ZNF84: variants seen among roughly 807,000 people sequenced by gnomAD.
ZNF84 encodes zinc finger protein HPF2.
ZNF84 carries 12 observed loss-of-function variants against 14.8 expected under a neutral mutation model. The observed-to-expected ratio is 0.81, with a 90% CI of 0.52 to 1.31. The LOEUF is 1.31. ZNF84 is among the 50% of genes most tolerant of loss of function. The probability of loss-of-function intolerance (pLI) is 0.00; values close to 1 mark genes in which losing one functional copy is unlikely to be tolerated. For synonymous variants in ZNF84, 347 were observed against 291.1 expected (o/e 1.19, Z -1.96); for missense variants, 859 against 878.6 (o/e 0.98, Z 0.28).
intron 4 of ZNF84, among the ~76,000 whole-genome samples, chr12:133,049,542 G>C (rs1372104528): frequency 1.3e-5 from 2 of 151,834 alleles, no homozygotes; most frequent in African/African-American, 4.8e-5. Flanking sequence ...GGAGTGCAGT[G>C]GTGCGATCTT....
At chr12:133,056,575 T>G (rs1328642748) in intron 4 of ZNF84, among the ~76,000 whole-genome samples, 2 of 152,106 alleles carry the variant, frequency 1.3e-5, no homozygotes, top group African/African-American at 4.8e-5. Flanking sequence ...TTTTTTCTCT[T>G]GTGTCTCTAG....
chr12:133,044,370 G>A (rs1953942283), intron 2 of ZNF84, among the ~76,000 whole-genome samples: 1 of 149,826 alleles, frequency 6.7e-6, no homozygotes, highest in Non-Finnish European at 1.5e-5. Flanking sequence ...GCCCACGCTG[G>A]TCTGGAACTC....
chr12:133,051,951 G>C (rs1347712572), intron 4 of ZNF84, among the ~76,000 whole-genome samples: 2 of 152,078 alleles, frequency 1.3e-5, no homozygotes, highest in African/African-American at 4.8e-5. Context: ...ACTGTGCTAG[G>C]TACTATGGGT....
rs1477992907 is a variant in ZNF84 at position 133,063,024 on chromosome 12, T to C, written c.*4092T>C. The C allele has an allele frequency of 1.4e-6, 1 of 690,310 alleles. No homozygotes were observed. The highest frequency in any genetic ancestry group is 2.6e-6 in the Non-Finnish European group (1 of 377,686). The allele number at this position is 690,310 out of a possible 1,614,324, so 42.8% of individuals were successfully genotyped here. On this transcript the variant is annotated 3_prime_UTR_variant, in exon 5 of 5. Coordinates refer to ENST00000539354, the MANE Select transcript of ZNF84 (RefSeq NM_001289971.2). ...GAAAGCTTCTAGAAAGCTAGTACTA[T>C]CTTTTTTGTCTGTGTAATTTTTGCA...
intron 2 of ZNF84, 128 bp from the exon 3 acceptor site, chr12:133,047,827 C>T: frequency 1.0e-6 from 1 of 970,006 alleles, no homozygotes. Flanking sequence ...ACAAAATATG[C>T]AAAGGTAGAG....
intron 4 of ZNF84, 52 bp from the exon 5 acceptor site, chr12:133,056,902 G>A (rs1954169801): frequency 2.0e-6 from 3 of 1,480,852 alleles, no homozygotes; most frequent in Middle Eastern, 1.9e-4. Flanking sequence ...GTTTTGTTTT[G>A]TTTTGTTTTT....
At chr12:133,056,254 TTTTA>T (rs1954156244) in intron 4 of ZNF84, among the ~76,000 whole-genome samples, 1 of 152,078 alleles carries the variant, frequency 6.6e-6, no homozygotes, top group Non-Finnish European at 1.5e-5. Context: ...TTTTTTTATT[TTTTA>T]TTTTTATTTT....
intron 4 of ZNF84, 99 bp from the exon 5 acceptor site, chr12:133,056,855 A>G: frequency 9.7e-7 from 1 of 1,034,610 alleles, no homozygotes; most frequent in South Asian, 1.8e-5. Flanking sequence ...CTAAGCCTTA[A>G]AAGCAGCCAA....
intron 4 of ZNF84, 148 bp from the exon 5 acceptor site, chr12:133,056,806 G>T (rs1954167151): frequency 1.8e-6 from 1 of 547,964 alleles, no homozygotes; most frequent in Non-Finnish European, 3.2e-6. Context: ...ATACCTAGAA[G>T]ATAGTTATTA....
Position 133,061,263 on chromosome 12 carries a change from C to T in ZNF84, c.*2331C>T, listed in dbSNP as rs1285704451. On this transcript the variant is annotated 3_prime_UTR_variant, in exon 5 of 5. Coordinates refer to ENST00000539354, the MANE Select transcript of ZNF84 (RefSeq NM_001289971.2). ...CCTCAAGTGGAGACCTCAAGTGGAT[C>T]ACTTGAGGTCAGGAGTTGAAGACCA... The T allele has an allele frequency of 1.3e-5, 2 of 152,102 alleles. No homozygotes were observed. Among genetic ancestry groups the T allele is most frequent in the Admixed American group, 1.3e-4 (2 of 15,270 alleles). The allele number at this position is 152,102 out of a possible 1,614,324, so 9.4% of individuals were successfully genotyped here.
rs920244913 is a variant in ZNF84, at chr12:133,048,964, G to C, written c.238+116G>C. 22 of 746,658 alleles carry C rather than the reference G, an allele frequency of 2.9e-5. No homozygotes were observed. In the African/African-American group the frequency reaches 3.5e-4, roughly 12 times the overall value. The allele number at this position is 746,658 out of a possible 1,614,324, so 46.3% of individuals were successfully genotyped here. A position where few individuals can be genotyped will look rare whatever the true frequency, so the allele number is the denominator to read the frequency against. Reference sequence around the variant, plus strand: ...TGGTCAGTGATGGGTTGGCTGGTCAGTGACGGGTGGGCTGGTCATTGATGG... The same window carrying C: ...TGGTCAGTGATGGGTTGGCTGGTCACTGACGGGTGGGCTGGTCATTGATGG... On this transcript the variant is annotated intron_variant, in intron 4 of 4. Transcript: ENST00000539354.
At chr12:133,042,854 A>G (rs752553010) in intron 2 of ZNF84, among the ~76,000 whole-genome samples, 1 of 152,234 alleles carries the variant, frequency 6.6e-6, no homozygotes, top group Non-Finnish European at 1.5e-5. Flanking sequence ...TGGAATATGC[A>G]TGAAATCACC....
chr12:133,047,517 T>C (rs1462631705), intron 2 of ZNF84: 1 of 153,626 alleles, frequency 6.5e-6, no homozygotes, highest in Non-Finnish European at 1.4e-5. Flanking sequence ...CTCATTTTTT[T>C]CCTTTAAAAA....
chr12:133,043,051 G>GT (rs1953913852), intron 2 of ZNF84, among the ~76,000 whole-genome samples: 1 of 152,172 alleles, frequency 6.6e-6, no homozygotes, highest in African/African-American at 2.4e-5. Flanking sequence ...GTCTGCTGTA[G>GT]TGTGTGCTCA....
chr12:133,056,441 G>T (rs1954159703), intron 4 of ZNF84, among the ~76,000 whole-genome samples: 1 of 152,084 alleles, frequency 6.6e-6, no homozygotes, highest in Admixed American at 6.5e-5. Context: ...TTTTAGTAGA[G>T]ACGGGGTTTC....
In ZNF84 at chr12:133,058,438, G is replaced by T; in HGVS notation, c.1723G>T (p.Asp575Tyr). The T allele has an allele frequency of 6.2e-7, 1 of 1,614,020 alleles. No homozygotes were observed. Among genetic ancestry groups the T allele is most frequent in the Non-Finnish European group, 8.5e-7 (1 of 1,180,006 alleles). The change falls in exon 5 of 5, where the codon GAC becomes TAC. Residue 575 changes from aspartate to tyrosine, a missense_variant. Physicochemically the swap from Asp to Tyr is radical, Grantham distance 160. Coordinates refer to ENST00000539354, the MANE Select transcript of ZNF84 (RefSeq NM_001289971.2). ...TGGAGAAAAACCGTATGAATGCAGG[G>T]ACTGTGAAAAAGCTTTCTCCCAGAA... ...HTGEKPYECR[D>Y]CEKAFSQKSQ...
At position 133,048,043 on chromosome 12, in the gene ZNF84, A is replaced by T; in HGVS notation, c.104A>T (p.Asp35Val). ...CCCTCTCAGAAGAATTTATACAAGG[A>T]TGTGATGTTGGAGAACTATAGCAGC... is the stretch of plus-strand genomic sequence containing the variant. ...LDPSQKNLYK[D>V]VMLENYSSLV... Residue 35 changes from aspartate (D) to valine (V), a missense_variant, in exon 3 of 5, where the codon GAT becomes GTT. Physicochemically the swap from Asp to Val is radical, Grantham distance 152 (BLOSUM62 -3). Transcript: ENST00000539354. The T allele has an allele frequency of 6.2e-7, 1 of 1,614,046 alleles. No individual in the cohort carries two copies. The highest frequency in any genetic ancestry group is 8.5e-7 in the Non-Finnish European group (1 of 1,179,946).
At chr12:133,051,778 T>C (rs950221901) in intron 4 of ZNF84, among the ~76,000 whole-genome samples, 29 of 152,256 alleles carry the variant, frequency 1.9e-4, no homozygotes, top group African/African-American at 6.7e-4. Flanking sequence ...TAATTATCAG[T>C]TAGGAAATAG....
intron 2 of ZNF84, among the ~76,000 whole-genome samples, chr12:133,042,370 A>C (rs1300593694): frequency 1.3e-5 from 2 of 152,236 alleles, no homozygotes; most frequent in Non-Finnish European, 2.9e-5. Context: ...AAAAATAAAT[A>C]CATGCTAATT....
Sources: allele counts gnomAD v4.1 joint callset (sites outside exome capture counted in the v4.1 genomes callset), GRCh38; gene constraint gnomAD v4.1.1; transcripts MANE v1.5; gene names NCBI Gene and HGNC (gene_info 2026-07-23, HGNC 2026-07-21).